Variants in C12orf50 observed in about 807,000 individuals in gnomAD.
The protein encoded by C12orf50 is uncharacterized protein C12orf50.
C12orf50 carries 35 observed loss-of-function variants against 61.6 expected under a neutral mutation model. The observed-to-expected ratio is 0.57, with a 90% CI of 0.43 to 0.75. The LOEUF (loss-of-function observed/expected upper bound fraction) is 0.75, where lower values mean the gene tolerates loss of function less well. Ranked by LOEUF, C12orf50 falls within the 30% of genes least tolerant of loss-of-function variation. The pLI is 0.00. For missense variants in C12orf50, 475 were observed against 488.5 expected (o/e 0.97, Z 0.26); for synonymous variants, 178 against 161.5 (o/e 1.10, Z -0.77).
chr12:87,987,843 G>A lies in C12orf50; in HGVS notation c.817+7C>T, dbSNP rs768648761. ...GAGGCCAAAAAGTGATAGAGCTAAT[G>A]TCTCACTTGAAGAGGGGTCCTCTCT... On this transcript the variant is annotated splice_region_variant and intron_variant, in intron 9 of 12. Coordinates refer to ENST00000298699, the MANE Select transcript of C12orf50 (RefSeq NM_152589.3). 2.8e-5 allele frequency: 43 copies of A among 1,526,294 alleles called. No homozygotes were observed. The highest frequency in any genetic ancestry group is 3.8e-5 in the Non-Finnish European group (42 of 1,103,300). 94.5% of individuals were successfully genotyped at this position (1,526,294 alleles called of 1,614,324 possible).
intron 8 of C12orf50, 130 bp from the exon 9 acceptor site, chr12:87,988,096 T>C: frequency 2.2e-6 from 1 of 445,788 alleles, no homozygotes; most frequent in Non-Finnish European, 3.8e-6. Flanking sequence ...ATTTATGAAT[T>C]GAGAGAAAAG....
At chr12:88,000,936 C>A (rs938379864) in intron 3 of C12orf50, among the ~76,000 whole-genome samples, 59 of 151,824 alleles carry the variant, frequency 3.9e-4, no homozygotes, top group African/African-American at 1.4e-3. Flanking sequence ...CTAGAATTTT[C>A]TAAATAAAAG....
In C12orf50 at chr12:87,983,056, C is replaced by T. The variant is rs2030592869; in HGVS notation, c.1219+47G>A. ...CACTCCTTGCACTTGAAAACTTATT[C>T]ATTTTCAGAATTGCATGATACATTA... is the stretch of plus-strand genomic sequence containing the variant. On this transcript the variant is annotated intron_variant, in intron 12 of 12. Coordinates refer to ENST00000298699, the MANE Select transcript of C12orf50 (RefSeq NM_152589.3). The T allele has an allele frequency of 3.4e-6, 4 of 1,161,406 alleles. No homozygotes were observed. In the South Asian group the frequency reaches 5.8e-5, roughly 17 times the overall value. The allele number at this position is 1,161,406 out of a possible 1,614,324, so 71.9% of individuals were successfully genotyped here.
At chr12:88,026,222 G>C (rs549244626) in intron 3 of C12orf50, among the ~76,000 whole-genome samples, 1 of 152,246 alleles carries the variant, frequency 6.6e-6, no homozygotes, top group South Asian at 2.1e-4. Flanking sequence ...GAGGTCAGTA[G>C]CTGTCTTACT....
At chr12:88,026,020 G>T (rs938556468) in intron 3 of C12orf50, among the ~76,000 whole-genome samples, 1 of 152,104 alleles carries the variant, frequency 6.6e-6, no homozygotes, top group African/African-American at 2.4e-5. Flanking sequence ...CACAATTAAA[G>T]TGTTAGAAAG....
At chr12:88,024,547 T>A (rs991301915) in intron 3 of C12orf50, among the ~76,000 whole-genome samples, 1 of 152,170 alleles carries the variant, frequency 6.6e-6, no homozygotes, top group Non-Finnish European at 1.5e-5. Context: ...AAATGCCACA[T>A]GTTCTAACTT....
intron 7 of C12orf50, among the ~76,000 whole-genome samples, chr12:87,989,766 T>C (rs1360576558): frequency 6.6e-6 from 1 of 152,122 alleles, no homozygotes. Flanking sequence ...TAAATATCCA[T>C]AGTTGCTTTA....
chr12:88,010,134 T>G (rs1215446344), intron 3 of C12orf50, among the ~76,000 whole-genome samples: 1 of 152,068 alleles, frequency 6.6e-6, no homozygotes, highest in East Asian at 1.9e-4. Flanking sequence ...AGTGTCCATC[T>G]ATGGAAAGGT....
At chr12:88,022,836 C>G (rs2032565591) in intron 3 of C12orf50, among the ~76,000 whole-genome samples, 1 of 152,070 alleles carries the variant, frequency 6.6e-6, no homozygotes, top group African/African-American at 2.4e-5. Flanking sequence ...TTACAAAACA[C>G]TGCCCAAAGA....
chr12:87,985,154 TAACTA>T (rs2136401645), intron 11 of C12orf50: 1 of 152,210 alleles, frequency 6.6e-6, no homozygotes, highest in South Asian at 2.1e-4. Context: ...AGAACTCCAC[TAACTA>T]AACCGTGAAC....
At chr12:87,990,895 T>C (rs984877452) in intron 7 of C12orf50, among the ~76,000 whole-genome samples, 1 of 152,068 alleles carries the variant, frequency 6.6e-6, no homozygotes, top group South Asian at 2.1e-4. Context: ...TGTGGAACCC[T>C]AGGAAATAAG....
At chr12:88,005,709 G>C (rs1017232246) in intron 3 of C12orf50, among the ~76,000 whole-genome samples, 3 of 151,698 alleles carry the variant, frequency 2.0e-5, no homozygotes, top group East Asian at 3.9e-4. Context: ...GCGCTATCTT[G>C]GCTCACTGCA....
chr12:87,994,015 C>T (rs1173086389), intron 7 of C12orf50, among the ~76,000 whole-genome samples: 1 of 151,984 alleles, frequency 6.6e-6, no homozygotes, highest in Non-Finnish European at 1.5e-5. Flanking sequence ...GCCTGACCAA[C>T]ATGGTGAAAC....
intron 3 of C12orf50, among the ~76,000 whole-genome samples, chr12:88,017,411 G>A (rs181980854): frequency 1.1e-3 from 170 of 152,310 alleles, no homozygotes; most frequent in African/African-American, 3.9e-3. Flanking sequence ...ATGTGGAACT[G>A]TAAGTCCATT....
intron 11 of C12orf50, 164 bp downstream of exon 11, chr12:87,985,686 C>T: frequency 1.5e-6 from 1 of 680,898 alleles, no homozygotes; most frequent in South Asian, 1.9e-5. Flanking sequence ...AAATCATGTG[C>T]AGGACTGCAC....
chr12:87,995,801 G>A (rs1319564099), intron 6 of C12orf50, among the ~76,000 whole-genome samples: 1 of 152,092 alleles, frequency 6.6e-6, no homozygotes, highest in Non-Finnish European at 1.5e-5. Flanking sequence ...CTATCGCCAC[G>A]TTTGAATAGT....
chr12:87,991,689 G>A (rs1249534112), intron 7 of C12orf50, among the ~76,000 whole-genome samples: 2 of 152,134 alleles, frequency 1.3e-5, no homozygotes, highest in Non-Finnish European at 2.9e-5. Flanking sequence ...AAACTACAAT[G>A]ATGTACCACT....
chr12:88,024,017 T>C (rs1194026316), intron 3 of C12orf50, among the ~76,000 whole-genome samples: 1 of 152,054 alleles, frequency 6.6e-6, no homozygotes, highest in Non-Finnish European at 1.5e-5. Context: ...GGCCAAAGCA[T>C]AGGAAAAAAT....
In C12orf50 at chr12:88,023,245, T is replaced by TAAA. The variant is rs564700256; in HGVS notation, c.133+3242_133+3243insTTT. ...TAATCTTTGACAAAGGTGACAAAAA[T>TAAA]AAGAAACAGGGAGAGGACTCCCCTT... On this transcript the variant is annotated intron_variant, in intron 3 of 12. Transcript: ENST00000298699. Among the ~76,000 whole-genome samples, 687 of 151,978 alleles carry TAAA rather than the reference T, an allele frequency of 4.5e-3. 5 individuals carry two copies. The highest frequency in any genetic ancestry group is 0.016 in the African/African-American group (652 of 41,392).
Sources: gnomAD v4.1 joint callset for allele counts (sites outside exome capture counted in the v4.1 genomes callset) on GRCh38, gnomAD v4.1.1 for gene constraint, MANE v1.5 for transcripts, NCBI Gene and HGNC (gene_info 2026-07-23, HGNC 2026-07-21) for gene names.